The following WWOX variants were observed in gnomAD, a reference collection of about 807,000 sequenced individuals.
The protein encoded by WWOX is WW domain containing oxidoreductase.
A neutral mutation model predicts 46.2 loss-of-function variants in WWOX; 69 were observed. The observed-to-expected ratio is 1.49, with a 90% CI of 1.23 to 1.82. The LOEUF is 1.82. Ranked by LOEUF, WWOX falls within the 40% of genes most tolerant of loss-of-function variation. The pLI, the probability that WWOX is intolerant of heterozygous loss-of-function variation, is 0.00. For missense variants in WWOX, 919 were observed against 542.6 expected, an observed-to-expected ratio of 1.69 and a Z score of -6.89; for synonymous variants, 359 against 202.6, an observed-to-expected ratio of 1.77 and a Z score of -6.56.
chr16:78,823,775 C>T lies in WWOX; in HGVS notation c.1057-387833C>T, dbSNP rs532235123. ...GATTGGCTACCCTGAGCTTTCTAGA[C>T]TTGTTATTTTTTTTTTTTTAAGACA... On this transcript the variant is annotated intron_variant, in intron 8 of 8. Transcript: ENST00000566780. Among the ~76,000 whole-genome samples the T allele has an allele frequency of 6.1e-3, 726 of 119,354 alleles. 3 individuals are homozygous for T. The highest frequency in any genetic ancestry group is 0.027 in the Middle Eastern group (6 of 222). The allele number at this position is 119,354 out of a possible 152,430, so 78.3% of individuals were successfully genotyped here. A position where few individuals can be genotyped will look rare whatever the true frequency, so the allele number is the denominator to read the frequency against.
At chr16:78,454,332 C>G (rs768801705) in intron 8 of WWOX, among the ~76,000 whole-genome samples, 3 of 147,354 alleles carry the variant, frequency 2.0e-5, no homozygotes, top group African/African-American at 7.6e-5. Context: ...TGTTAAAACC[C>G]AATACATTTA....
At chr16:79,132,053 T>C (rs990719868) in intron 8 of WWOX, among the ~76,000 whole-genome samples, 4 of 151,854 alleles carry the variant, frequency 2.6e-5, no homozygotes, top group Non-Finnish European at 2.9e-5. Context: ...ATGGGAATTA[T>C]GGGAGATACA....
At chr16:78,404,440 C>T (rs1402832679) in intron 6 of WWOX, among the ~76,000 whole-genome samples, 1 of 152,080 alleles carries the variant, frequency 6.6e-6, no homozygotes, top group Non-Finnish European at 1.5e-5. Flanking sequence ...AGCTGAGGGT[C>T]ACAGAAAGAA....
At position 78,540,016 on chromosome 16, in the gene WWOX, T is replaced by TCACACACA. The variant is rs748514681; in HGVS notation, c.1056+107265_1056+107266insACACACAC. 4.5e-3 allele frequency among the ~76,000 whole-genome samples: 538 copies of TCACACACA among 120,734 alleles called. 2 individuals are homozygous for TCACACACA. The highest frequency in any genetic ancestry group is 0.018 in the Middle Eastern group (4 of 226). 79.2% of individuals were successfully genotyped at this position (120,734 alleles called of 152,430 possible). ...CTCTCTTTCTCTCTCTCTCTCTCTC[T>TCACACACA]CTCTCACACACACACACACACACAC... On this transcript the variant is annotated intron_variant, in intron 8 of 8. Transcript: ENST00000566780.
intron 8 of WWOX, among the ~76,000 whole-genome samples, chr16:78,586,905 A>G (rs78174541): frequency 0.012 from 1,829 of 152,238 alleles, 35 homozygotes; most frequent in African/African-American, 0.042. Context: ...CATATCCCCA[A>G]TGGAAAAATC....
intron 8 of WWOX, among the ~76,000 whole-genome samples, chr16:78,587,084 G>A (rs2045225584): frequency 6.6e-6 from 1 of 151,816 alleles, no homozygotes; most frequent in Non-Finnish European, 1.5e-5. Flanking sequence ...GGAGTGCAGT[G>A]GCGTGATCAC....
Position 78,752,627 on chromosome 16 carries a change from C to T in WWOX, c.1056+319875C>T, listed in dbSNP as rs550574513. Among the ~76,000 whole-genome samples, 8 of 152,306 alleles carry T rather than the reference C, an allele frequency of 5.3e-5. No homozygotes were observed. In the South Asian group the frequency reaches 1.7e-3, roughly 32 times the overall value. ...CAGGTTCAGCAGATTTTTAAACTCA[C>T]TTTCAAATCATGATAAAATTCTTTA... On this transcript the variant is annotated intron_variant, in intron 8 of 8. Transcript: ENST00000566780.
At chr16:79,183,142 G>A (rs73584707) in intron 8 of WWOX, among the ~76,000 whole-genome samples, 4,670 of 152,316 alleles carry the variant, frequency 0.031, 210 homozygotes, top group African/African-American at 0.1. Flanking sequence ...GACCCAAGCC[G>A]AGGGGAGAAG....
intron 8 of WWOX, among the ~76,000 whole-genome samples, chr16:78,909,349 C>A (rs1409264912): frequency 6.6e-6 from 1 of 152,146 alleles, no homozygotes; most frequent in African/African-American, 2.4e-5. Flanking sequence ...TAAGAGTGGC[C>A]TTCGAGCCTC....
At chr16:78,497,880 C>A (rs73578942) in intron 8 of WWOX, among the ~76,000 whole-genome samples, 1 of 150,702 alleles carries the variant, frequency 6.6e-6, no homozygotes, top group South Asian at 2.1e-4. Flanking sequence ...AAAAAGCCCA[C>A]ATTTTAAAGG....
intron 5 of WWOX, among the ~76,000 whole-genome samples, chr16:78,174,791 C>T (rs907825130): frequency 6.6e-6 from 1 of 152,040 alleles, no homozygotes. Context: ...AGCTGGCGAC[C>T]AGCCTGGGCA....
chr16:78,610,310 A>G (rs1365588337), intron 8 of WWOX, among the ~76,000 whole-genome samples: 2 of 152,190 alleles, frequency 1.3e-5, no homozygotes, highest in Non-Finnish European at 2.9e-5. Flanking sequence ...TTTCCACAAA[A>G]CCTATCCATA....
At chr16:78,582,655 C>T (rs1001159350) in intron 8 of WWOX, among the ~76,000 whole-genome samples, 1 of 152,164 alleles carries the variant, frequency 6.6e-6, no homozygotes, top group Non-Finnish European at 1.5e-5. Flanking sequence ...ATACCTCTAT[C>T]TCCGCTTAGT....
intron 8 of WWOX, among the ~76,000 whole-genome samples, chr16:79,176,536 C>G (rs947096792): frequency 6.6e-6 from 1 of 152,194 alleles, no homozygotes; most frequent in Non-Finnish European, 1.5e-5. Flanking sequence ...TCTGCAGTCT[C>G]TGGTATAAAC....
At chr16:78,498,106 G>A (rs2084962479) in intron 8 of WWOX, among the ~76,000 whole-genome samples, 1 of 151,064 alleles carries the variant, frequency 6.6e-6, no homozygotes, top group Admixed American at 6.6e-5. Flanking sequence ...TTGGGAGGCT[G>A]AGGCAGGAGA....
In WWOX at chr16:78,432,491, T is replaced by C; in HGVS notation, c.795T>C (p.Phe265=). Residue 265 remains phenylalanine (F), a synonymous_variant, in exon 8 of 9, where the codon TTT becomes TTC. Transcript: ENST00000566780. The part of the protein sequence containing the change: ...VIVVSSESHR[F]TDINDSLGKL... Reference sequence around the variant, plus strand: ...TGTCATATTTCCTATTTTTAAGATTTACAGATATTAACGACTCCTTGGGAA... The same window carrying C: ...TGTCATATTTCCTATTTTTAAGATTCACAGATATTAACGACTCCTTGGGAA... 1 of 1,613,338 alleles carries C rather than the reference T, an allele frequency of 6.2e-7. No individual in the cohort carries two copies. Among genetic ancestry groups the C allele is most frequent in the Non-Finnish European group, 8.5e-7 (1 of 1,179,598 alleles).
intron 8 of WWOX, among the ~76,000 whole-genome samples, chr16:79,006,989 G>A (rs775926194): frequency 7.2e-5 from 11 of 152,046 alleles, no homozygotes; most frequent in Admixed American, 1.3e-4. Flanking sequence ...TCCCTTTGTC[G>A]CGTAACCTAA....
chr16:79,156,722 G>T (rs150739500), intron 8 of WWOX, among the ~76,000 whole-genome samples: 178 of 152,090 alleles, frequency 1.2e-3, no homozygotes, highest in African/African-American at 4.1e-3. Flanking sequence ...AAATTTAAGA[G>T]GGGGGTGGGG....
chr16:78,309,878 A>G (rs2080207432), intron 5 of WWOX, among the ~76,000 whole-genome samples: 1 of 152,096 alleles, frequency 6.6e-6, no homozygotes, highest in Non-Finnish European at 1.5e-5. Context: ...TTCTAGTTAG[A>G]GTGTTCTCCT....
Sources: allele counts gnomAD v4.1 joint callset (sites outside exome capture counted in the v4.1 genomes callset), GRCh38; gene constraint gnomAD v4.1.1; transcripts MANE v1.5; gene names NCBI Gene and HGNC (gene_info 2026-07-23, HGNC 2026-07-21).